Variants in COL12A1 observed in about 807,000 individuals in gnomAD.
COL12A1 encodes the protein collagen type XII alpha 1 chain, also known as collagen alpha-1(XII) chain.
A neutral mutation model predicts 349.7 loss-of-function variants in COL12A1; 114 were observed. The observed-to-expected ratio is 0.33, with a 90% CI of 0.28 to 0.38. The LOEUF is 0.38. COL12A1 is among the 10% of genes least tolerant of loss of function. The pLI is 1.00. For synonymous variants in COL12A1, 1,369 were observed against 1,329.0 expected (o/e 1.03, Z -0.66); for missense variants, 3,284 against 3,756.9 (o/e 0.87, Z 3.29).
At chr6:75,200,801 T>G (rs904371680) in intron 2 of COL12A1, among the ~76,000 whole-genome samples, 1 of 152,194 alleles carries the variant, frequency 6.6e-6, no homozygotes, top group African/African-American at 2.4e-5. Context: ...GTTACATATG[T>G]GGCTTACATT....
intron 23 of COL12A1, among the ~76,000 whole-genome samples, chr6:75,146,892 A>C (rs1464934067): frequency 6.6e-6 from 1 of 152,250 alleles, no homozygotes; most frequent in Non-Finnish European, 1.5e-5. Flanking sequence ...ATATAAGAGA[A>C]GAGATAAGGA....
intron 49 of COL12A1, among the ~76,000 whole-genome samples, 188 bp downstream of exon 49, chr6:75,115,596 C>G (rs1309824495): frequency 6.6e-6 from 1 of 152,114 alleles, no homozygotes; most frequent in Non-Finnish European, 1.5e-5. Flanking sequence ...GAGTCTTAGT[C>G]TCCTGTGTGC....
chr6:75,125,188 C>T lies in COL12A1; in HGVS notation c.6546G>A (p.Val2182=). The T allele has an allele frequency of 1.2e-6, 2 of 1,612,336 alleles. No homozygotes were observed. Among genetic ancestry groups the T allele is most frequent in the Non-Finnish European group, 8.5e-7 (1 of 1,178,974 alleles). The change falls in exon 40 of 66, where the codon GTG becomes GTA. Residue 2182 remains valine, a synonymous_variant. Transcript: ENST00000322507. ...CAGAATCATATTGAGCATAAACATT[C>T]ACATCGTAGGTGGTGCTGGGATTGA... The part of the protein sequence containing the change: ...HNLNPSTTYD[V]NVYAQYDSGL...
At chr6:75,093,967 T>C (rs1248169265) in intron 60 of COL12A1, among the ~76,000 whole-genome samples, 2 of 152,306 alleles carry the variant, frequency 1.3e-5, no homozygotes, top group East Asian at 3.9e-4. Flanking sequence ...TACTTATAAT[T>C]GCACTTGCAA....
chr6:75,130,890 T>C lies in COL12A1; in HGVS notation c.6029A>G (p.Asp2010Gly). 1 of 1,614,016 alleles carries C rather than the reference T, an allele frequency of 6.2e-7. No individual in the cohort carries two copies. Among genetic ancestry groups the C allele is most frequent in the Middle Eastern group, 1.6e-4 (1 of 6,062 alleles). ...GGCAGGGCTGGGATTTCCCTCTCCATCCGAGTACAGAGCCACAAGGTTCAC... is the reference window on the plus strand; with the variant it reads ...GGCAGGGCTGGGATTTCCCTCTCCACCCGAGTACAGAGCCACAAGGTTCAC... ...YSVNLVALYS[D>G]GEGNPSPAQG... The change falls in exon 36 of 66, where the codon GAT (aspartate) becomes GGT (glycine). Residue 2010 changes from aspartate (D) to glycine (G), a missense_variant. Asp to Gly is a moderately conservative substitution (Grantham distance 94). Coordinates refer to ENST00000322507, the MANE Select transcript of COL12A1 (RefSeq NM_004370.6).
rs1224363882 is a variant in COL12A1 at position 75,086,388 on chromosome 6, C to T, written c.*159G>A. 2.4e-6 allele frequency: 1 copy of T among 417,468 alleles called. No individual in the cohort carries two copies. Among genetic ancestry groups the T allele is most frequent in the African/African-American group, 2.1e-5 (1 of 48,312 alleles). 25.9% of individuals were successfully genotyped at this position (417,468 alleles called of 1,614,324 possible). Reference sequence around the variant, plus strand: ...TCTCATTCAAGTTAGTAAAAAGAGTCTCCACCCTCCTTTGTGATGTCGACC... The same window carrying T: ...TCTCATTCAAGTTAGTAAAAAGAGTTTCCACCCTCCTTTGTGATGTCGACC... On this transcript the variant is annotated 3_prime_UTR_variant, in exon 66 of 66. Transcript: ENST00000322507.
intron 43 of COL12A1, 29 bp from the exon 44 acceptor site, chr6:75,121,470 C>T (rs755067168): frequency 2.5e-5 from 37 of 1,498,566 alleles, no homozygotes; most frequent in East Asian, 1.4e-4. Flanking sequence ...GAGGAAGCCC[C>T]AAATCTCATG....
rs1768848487 is a variant in COL12A1 at position 75,175,035 on chromosome 6, T to TA, written c.2710+2dup. 1 of 1,613,166 alleles carries TA rather than the reference T, an allele frequency of 6.2e-7. No homozygotes were observed. ...GATTTTCAGAAAATATGATGGTAAT[T>TA]ACCTTCAAGTGTTGTTCCTTCACCA... On this transcript the variant is annotated splice_region_variant and intron_variant, in intron 13 of 65. Transcript: ENST00000322507.
chr6:75,178,035 T>C, intron 11 of COL12A1, 100 bp from the exon 12 acceptor site: 1 of 1,111,034 alleles, frequency 9.0e-7, no homozygotes, highest in Non-Finnish European at 1.2e-6. Context: ...ATACCATTTC[T>C]CTAAAGAAAT....
At chr6:75,205,577 C>T (rs1270105459) in intron 1 of COL12A1, among the ~76,000 whole-genome samples, 200 bp downstream of exon 1, 7 of 152,130 alleles carry the variant, frequency 4.6e-5, no homozygotes, top group South Asian at 2.1e-4. Flanking sequence ...GCAACATTCC[C>T]CTCTCCCTCA....
Position 75,189,237 on chromosome 6 carries a change from C to T in COL12A1, c.803G>A (p.Gly268Glu). The change falls in exon 7 of 66, where the codon GGA (glycine) becomes GAA (glutamate). Residue 268 changes from glycine to glutamate, a missense_variant. Gly to Glu is a moderately conservative substitution (Grantham distance 98, BLOSUM62 -2). This residue lies in a region of COL12A1 where 2,601 missense variants were observed against 2,824.8 expected (regional missense o/e 0.92). Coordinates refer to ENST00000322507, the MANE Select transcript of COL12A1 (RefSeq NM_004370.6). ...CCTACCCAAGGAGAAAACTTCAACT[C>T]CAACATTACGAAGCTCTCTTGCTGG... ...EIPARELRNV[G>E]VEVFSLGIKA... 1 of 1,612,810 alleles carries T rather than the reference C, an allele frequency of 6.2e-7. No homozygotes were observed. The highest frequency in any genetic ancestry group is 1.1e-5 in the South Asian group (1 of 91,006).
chr6:75,115,186 C>T (rs538756878), intron 49 of COL12A1, among the ~76,000 whole-genome samples: 1 of 152,202 alleles, frequency 6.6e-6, no homozygotes, highest in African/African-American at 2.4e-5. Flanking sequence ...TTGTTCTTTT[C>T]TTTCCATAAA....
In COL12A1 at chr6:75,133,381, A is replaced by T; in HGVS notation, c.5706T>A (p.Asn1902Lys). ...PGNTNYAILR[N>K]LQPDTSYTVT... ...CAGTGTATGAGGTATCTGGCTGCAGATTCCTAAGAATGGCATAATTGGTAT... is the reference window on the plus strand; with the variant it reads ...CAGTGTATGAGGTATCTGGCTGCAGTTTCCTAAGAATGGCATAATTGGTAT... Residue 1902 changes from asparagine to lysine, a missense_variant, in exon 34 of 66, where the codon AAT (asparagine) becomes AAA (lysine). By Grantham distance (94) the Asn-to-Lys change is moderately conservative (BLOSUM62 0). Coordinates refer to ENST00000322507, the MANE Select transcript of COL12A1 (RefSeq NM_004370.6). 6.2e-7 allele frequency: 1 copy of T among 1,613,058 alleles called. No homozygotes were observed. Among genetic ancestry groups the T allele is most frequent in the African/African-American group, 1.3e-5 (1 of 75,038 alleles).
rs200347973 is a variant in COL12A1, at chr6:75,130,250, C to T, written c.6068-17G>A. On this transcript the variant is annotated splice_polypyrimidine_tract_variant and intron_variant, in intron 36 of 65. Transcript: ENST00000322507. ...TGCGTGGTACTAAATAAATAAAATA[C>T]AATAGAGTTTGTTGCCTGCCTGTGA... is the stretch of plus-strand genomic sequence containing the variant. 1.9e-6 allele frequency: 3 copies of T among 1,610,024 alleles called. No homozygotes were observed. Among genetic ancestry groups the T allele is most frequent in the Non-Finnish European group, 2.5e-6 (3 of 1,178,496 alleles).
chr6:75,102,615 G>A lies in COL12A1; in HGVS notation c.8397C>T (p.Leu2799=). 1 of 1,559,084 alleles carries A rather than the reference G, an allele frequency of 6.4e-7. No individual in the cohort carries two copies. The highest frequency in any genetic ancestry group is 8.7e-7 in the Non-Finnish European group (1 of 1,154,018). ...TGCTTACTTGCTCTCCCGGAATAGA[G>A]AGTCCATTGGGTCCCTGAGGGCCTG... ...GPPGPQGPNG[L]SIPGEQGRQG... The change falls in exon 56 of 66, where the codon CTC becomes CTT. Residue 2799 remains leucine (L), a synonymous_variant. Coordinates refer to ENST00000322507, the MANE Select transcript of COL12A1 (RefSeq NM_004370.6).
At chr6:75,106,203 AAGT>A (rs1768535888) in intron 53 of COL12A1, among the ~76,000 whole-genome samples, 2 of 152,154 alleles carry the variant, frequency 1.3e-5, no homozygotes, top group South Asian at 2.1e-4. Context: ...TCTTAGGGAG[AAGT>A]CCCAGAAACA....
intron 21 of COL12A1, among the ~76,000 whole-genome samples, chr6:75,150,027 A>G (rs1425725576): frequency 6.6e-6 from 1 of 152,160 alleles, no homozygotes; most frequent in Non-Finnish European, 1.5e-5. Context: ...TGCAAAAGTT[A>G]GGAGAAAGAA....
intron 17 of COL12A1, among the ~76,000 whole-genome samples, chr6:75,153,963 C>T (rs185319703): frequency 1.0e-3 from 159 of 151,900 alleles, no homozygotes; most frequent in African/African-American, 3.5e-3. Flanking sequence ...AAATAGAAAA[C>T]GGTACAATAT....
Position 75,202,716 on chromosome 6 carries a change from T to C in COL12A1, c.73+4A>G, listed in dbSNP as rs1282475240. 1.3e-6 allele frequency: 2 copies of C among 1,551,486 alleles called. No homozygotes were observed. The highest frequency in any genetic ancestry group is 1.7e-6 in the Non-Finnish European group (2 of 1,146,882). ...ACTCGGTGAAGGGGAAGGGAGCCTTTTACCTTCTGCCTCAATGGAAGACAG... is the reference window on the plus strand; with the variant it reads ...ACTCGGTGAAGGGGAAGGGAGCCTTCTACCTTCTGCCTCAATGGAAGACAG... On this transcript the variant is annotated splice_donor_region_variant and intron_variant, in intron 2 of 65. Coordinates refer to ENST00000322507, the MANE Select transcript of COL12A1 (RefSeq NM_004370.6).
Sources: gnomAD v4.1 joint callset for allele counts (sites outside exome capture counted in the v4.1 genomes callset) on GRCh38, gnomAD v4.1.1 for gene constraint, gnomAD v4.1.1 regional missense constraint, MANE v1.5 for transcripts, NCBI Gene and HGNC (gene_info 2026-07-23, HGNC 2026-07-21) for gene names.